Variants in CR1 observed in about 807,000 individuals in gnomAD.
CR1 encodes the protein complement receptor type 1.
A neutral mutation model predicts 187.3 loss-of-function variants in CR1; 116 were observed. The observed-to-expected ratio is 0.62, with a 90% confidence interval of 0.53 to 0.72. The LOEUF (loss-of-function observed/expected upper bound fraction) is 0.72. Ranked by LOEUF, CR1 falls within the 30% of genes least tolerant of loss-of-function variation. The pLI, the probability that CR1 is intolerant of heterozygous loss-of-function variation, is 0.00. For synonymous variants in CR1, 576 were observed against 747.1 expected (o/e 0.77, Z 3.73); for missense variants, 1,731 against 2,110.7 (o/e 0.82, Z 3.52).
In CR1 at chr1:207,611,561, C is replaced by T; in HGVS notation, c.6296-116C>T. 2.1e-6 allele frequency: 3 copies of T among 1,450,344 alleles called. No homozygotes were observed. The Middle Eastern group carries it at 5.5e-4, about 264-fold the overall frequency. The allele number at this position is 1,450,344 out of a possible 1,614,324, so 89.8% of individuals were successfully genotyped here. On this transcript the variant is annotated intron_variant, in intron 37 of 46. Transcript: ENST00000367049. Reference sequence around the variant, plus strand: ...ATGTGGCTACTGAACTACCAATCTTCTCTTTTAATAGCTGCACTCTGCAAT... The same window carrying T: ...ATGTGGCTACTGAACTACCAATCTTTTCTTTTAATAGCTGCACTCTGCAAT...
intron 45 of CR1, among the ~76,000 whole-genome samples, chr1:207,623,617 C>T (rs1229261533): frequency 6.7e-6 from 1 of 149,046 alleles, no homozygotes; most frequent in East Asian, 2.0e-4. Flanking sequence ...CACACACACA[C>T]ACACACACAC....
intron 32 of CR1, among the ~76,000 whole-genome samples, chr1:207,583,598 C>T (rs1661023410): frequency 1.3e-5 from 2 of 152,152 alleles, no homozygotes; most frequent in African/African-American, 4.8e-5. Context: ...TATTGCTTCC[C>T]CTTCTGATCA....
rs754912397 is a variant in CR1 at position 207,496,258 on chromosome 1, C to T, written c.-10C>T. On this transcript the variant is annotated 5_prime_UTR_variant, in exon 1 of 47. Coordinates refer to ENST00000367049, the MANE Select transcript of CR1 (RefSeq NM_000651.6). Reference sequence around the variant, plus strand: ...AGATCAAATCTGGTTTGTAGATGTGCTTGGGGAGAATGGGGGCCTCTTCTC... The same window carrying T: ...AGATCAAATCTGGTTTGTAGATGTGTTTGGGGAGAATGGGGGCCTCTTCTC... 5 of 1,613,766 alleles carry T rather than the reference C, an allele frequency of 3.1e-6. No individual in the cohort carries two copies. In the African/African-American group the frequency reaches 5.3e-5, roughly 17 times the overall value.
At chr1:207,591,086 C>T (rs900106146) in intron 35 of CR1, among the ~76,000 whole-genome samples, 1 of 152,158 alleles carries the variant, frequency 6.6e-6, no homozygotes, top group Non-Finnish European at 1.5e-5. Flanking sequence ...CTGAACTCAG[C>T]TCTGGACCAA....
Position 207,511,671 on chromosome 1 carries a change from C to T in CR1, c.487+17C>T. The T allele has an allele frequency of 4.4e-6, 7 of 1,601,128 alleles. No individual in the cohort carries two copies. Among genetic ancestry groups the T allele is most frequent in the Non-Finnish European group, 6.0e-6 (7 of 1,169,180 alleles). On this transcript the variant is annotated intron_variant, in intron 4 of 46. Coordinates refer to ENST00000367049, the MANE Select transcript of CR1 (RefSeq NM_000651.6). ...TTTGTGACAGTGAGTTGAAATATCC[C>T]TTCCTATTTCTTTTACCGACACATT... is the stretch of plus-strand genomic sequence containing the variant.
Position 207,523,617 on chromosome 1 carries a change from C to A in CR1, c.494C>A (p.Pro165His). The A allele has an allele frequency of 6.2e-7, 1 of 1,613,912 alleles. No individual in the cohort carries two copies. Among genetic ancestry groups the A allele is most frequent in the Non-Finnish European group, 8.5e-7 (1 of 1,179,886 alleles). The change falls in exon 5 of 47, where the codon CCT (proline) becomes CAT (histidine). Residue 165 changes from proline to histidine, a missense_variant. This residue lies in a region of CR1 where 237 missense variants were observed against 240.4 expected (regional missense o/e 0.99). Transcript: ENST00000367049. ...CTGCTCTTCCTTTTTCCAGGAATTCCTTGTGGGCTACCCCCCACCATCACC... is the reference window on the plus strand; with the variant it reads ...CTGCTCTTCCTTTTTCCAGGAATTCATTGTGGGCTACCCCCCACCATCACC... ...DNETPICDRI[P>H]CGLPPTITNG...
At chr1:207,587,325 A>G (rs1333937059) in intron 33 of CR1, 61 bp from the exon 34 acceptor site, 4 of 1,414,288 alleles carry the variant, frequency 2.8e-6, no homozygotes, top group East Asian at 4.7e-5. Flanking sequence ...TTGAAGAGAA[A>G]GAGGAGGTAG....
chr1:207,596,821 ATATATAT>A (rs1051218430), intron 35 of CR1, among the ~76,000 whole-genome samples: 1 of 147,410 alleles, frequency 6.8e-6, no homozygotes, highest in Non-Finnish European at 1.5e-5. Context: ...CATAAAATTC[ATATATAT>A]TATAAAAATA....
At chr1:207,630,004 T>C (rs1662593176) in intron 45 of CR1, among the ~76,000 whole-genome samples, 1 of 152,248 alleles carries the variant, frequency 6.6e-6, no homozygotes, top group South Asian at 2.1e-4. Context: ...ATTACTGATA[T>C]TAAAAAGTGA....
chr1:207,566,556 A>G (rs1282798190), intron 24 of CR1, among the ~76,000 whole-genome samples: 1 of 150,268 alleles, frequency 6.7e-6, no homozygotes, highest in Non-Finnish European at 1.5e-5. Flanking sequence ...ATTCAATGCT[A>G]TGAGACAATA....
intron 41 of CR1, 78 bp downstream of exon 41, chr1:207,616,880 C>T (rs1339658849): frequency 1.3e-5 from 20 of 1,542,370 alleles, no homozygotes; most frequent in Non-Finnish European, 1.7e-5. Flanking sequence ...TAGTGACAGT[C>T]ATTTTTGCTT....
At chr1:207,617,507 ATG>A (rs1167357538) in intron 41 of CR1, among the ~76,000 whole-genome samples, 2,697 of 46,990 alleles carry the variant, frequency 0.057, 277 homozygotes, top group Non-Finnish European at 0.072. Context: ...ATATATATAT[ATG>A]TGTGTGTGTG....
At chr1:207,500,169 C>T (rs180826809) in intron 1 of CR1, among the ~76,000 whole-genome samples, 30 of 152,114 alleles carry the variant, frequency 2.0e-4, no homozygotes, top group Admixed American at 8.5e-4. Flanking sequence ...TTTTTTGTCC[C>T]GTTAGATGTT....
intron 1 of CR1, among the ~76,000 whole-genome samples, chr1:207,501,918 G>GT (rs55641279): frequency 0.015 from 2,217 of 145,516 alleles, 21 homozygotes; most frequent in Admixed American, 0.043. Context: ...TTTACTCAGT[G>GT]TTTTTTTTTT....
chr1:207,600,693 T>G (rs1661578199), intron 35 of CR1: 1 of 152,150 alleles, frequency 6.6e-6, no homozygotes, highest in Admixed American at 6.5e-5. Context: ...GTCCTTTACT[T>G]GAATTGATTT....
intron 35 of CR1, among the ~76,000 whole-genome samples, chr1:207,599,288 A>G (rs1661538163): frequency 6.6e-6 from 1 of 152,246 alleles, no homozygotes; most frequent in East Asian, 1.9e-4. Context: ...GGGGAAATGC[A>G]AATTAAAGCA....
chr1:207,512,006 C>T (rs1659638504), intron 4 of CR1, among the ~76,000 whole-genome samples: 2 of 152,060 alleles, frequency 1.3e-5, no homozygotes, highest in Non-Finnish European at 2.9e-5. Flanking sequence ...TCAAGGTTAG[C>T]GAAGCTGTGG....
intron 23 of CR1, 104 bp downstream of exon 23, chr1:207,564,338 A>G: frequency 6.3e-7 from 1 of 1,586,336 alleles, no homozygotes; most frequent in South Asian, 1.1e-5. Flanking sequence ...ACACACACAC[A>G]CACACACCTT....
chr1:207,616,767 GC>G lies in CR1; in HGVS notation c.6857del (p.Pro2286LeufsTer36). On this transcript the variant is annotated frameshift_variant, in exon 41 of 47. Coordinates refer to ENST00000367049, the MANE Select transcript of CR1 (RefSeq NM_000651.6). LOFTEE classifies it high-confidence loss of function. The part of the protein sequence containing the change: ...SDPQGNGVWS[S>X]PAPRCELSVP... ...CCTCAAGGGAATGGGGTTTGGAGCA[GC>G]CCTGCCCCTCGCTGTGAACTTTCTG... 1 of 1,613,970 alleles carries G rather than the reference GC, an allele frequency of 6.2e-7. No individual in the cohort carries two copies. The highest frequency in any genetic ancestry group is 8.5e-7 in the Non-Finnish European group (1 of 1,179,880).
Sources: allele counts gnomAD v4.1 joint callset (sites outside exome capture counted in the v4.1 genomes callset), GRCh38; gene constraint gnomAD v4.1.1; regional missense constraint gnomAD v4.1.1; transcripts MANE v1.5; gene names NCBI Gene and HGNC (gene_info 2026-07-23, HGNC 2026-07-21).